The following WDR41 variants were observed in gnomAD, a reference collection of about 807,000 sequenced individuals.
The protein encoded by WDR41 is WD repeat-containing protein 41.
WDR41 carries 63 observed loss-of-function variants against 69.3 expected under a neutral mutation model. That is an observed-to-expected ratio of 0.91 (90% CI 0.74 to 1.12). WDR41 has a LOEUF of 1.12. Ranked by LOEUF, WDR41 falls within the 50% of genes most tolerant of loss-of-function variation. The pLI, the probability that WDR41 is intolerant of heterozygous loss-of-function variation, is 0.00. For synonymous variants in WDR41, 185 were observed against 192.1 expected, an observed-to-expected ratio of 0.96 and a Z score of 0.31; for missense variants, 543 against 534.5, an observed-to-expected ratio of 1.02 and a Z score of -0.16.
chr5:77,503,189 G>GAA (rs1802046571), intron 1 of WDR41, among the ~76,000 whole-genome samples: 35 of 20,208 alleles, frequency 1.7e-3, no homozygotes, highest in African/African-American at 9.7e-3. Flanking sequence ...CAAATGGAAA[G>GAA]CAAAAAAAAA....
intron 1 of WDR41, among the ~76,000 whole-genome samples, chr5:77,600,526 C>T (rs762455148): frequency 3.7e-4 from 56 of 152,190 alleles, no homozygotes; most frequent in Non-Finnish European, 6.5e-4. Context: ...AGTTACATGG[C>T]TATGTACATT....
At position 77,438,326 on chromosome 5, in the gene WDR41, C is replaced by A; in HGVS notation, c.918G>T (p.Val306=). 1 of 1,614,070 alleles carries A rather than the reference C, an allele frequency of 6.2e-7. No homozygotes were observed. The highest frequency in any genetic ancestry group is 8.5e-7 in the Non-Finnish European group (1 of 1,179,932). Residue 306 remains valine (V), a synonymous_variant, in exon 10 of 13, where the codon GTG becomes GTT. Coordinates refer to ENST00000296679, the MANE Select transcript of WDR41 (RefSeq NM_018268.4). ...TCACACGCTTCATTTGAAGGCTATA[C>A]ACGTATAAACCCCTTCCAACTGCAG... ...VFAAVGRGLY[V]YSLQMKRVIA...
chr5:77,501,660 T>A (rs1802019630), intron 1 of WDR41, among the ~76,000 whole-genome samples: 1 of 152,114 alleles, frequency 6.6e-6, no homozygotes, highest in Non-Finnish European at 1.5e-5. Flanking sequence ...TGGATGCCCC[T>A]CTGGGACAAA....
intron 2 of WDR41, among the ~76,000 whole-genome samples, chr5:77,478,038 T>C (rs1161143002): frequency 6.6e-6 from 1 of 152,110 alleles, no homozygotes; most frequent in African/African-American, 2.4e-5. Flanking sequence ...CAGAGAATAT[T>C]ACAGACACCT....
intron 2 of WDR41, among the ~76,000 whole-genome samples, chr5:77,468,216 A>G (rs530003402): frequency 7.2e-5 from 11 of 152,250 alleles, no homozygotes; most frequent in Non-Finnish European, 1.6e-4. Flanking sequence ...ATGATAGTCC[A>G]TAAGTCACTC....
intron 1 of WDR41, among the ~76,000 whole-genome samples, chr5:77,612,021 C>A (rs1213250686): frequency 1.3e-5 from 2 of 152,156 alleles, no homozygotes; most frequent in African/African-American, 4.8e-5. Flanking sequence ...CACCTCTATG[C>A]AAATAAACTA....
At chr5:77,603,317 A>G (rs1744358554) in intron 1 of WDR41, among the ~76,000 whole-genome samples, 1 of 152,144 alleles carries the variant, frequency 6.6e-6, no homozygotes, top group African/African-American at 2.4e-5. Flanking sequence ...CTGATGATTA[A>G]TGATGTTGAG....
intron 1 of WDR41, among the ~76,000 whole-genome samples, chr5:77,512,702 C>T (rs751947668): frequency 5.7e-5 from 8 of 140,336 alleles, no homozygotes; most frequent in East Asian, 2.1e-4. Flanking sequence ...GCTGAGATCA[C>T]GCCACTGCAC....
intron 1 of WDR41, among the ~76,000 whole-genome samples, chr5:77,532,658 A>G (rs1022268371): frequency 6.6e-6 from 1 of 152,124 alleles, no homozygotes; most frequent in African/African-American, 2.4e-5. Context: ...AGTACACAAC[A>G]TGGTTGAATC....
chr5:77,522,368 G>C (rs1203379667), intron 1 of WDR41, among the ~76,000 whole-genome samples: 2 of 152,216 alleles, frequency 1.3e-5, no homozygotes, highest in Admixed American at 1.3e-4. Context: ...GAGGCCGGGC[G>C]TGGTGGCTTA....
At chr5:77,606,123 C>T (rs1744413871) in intron 1 of WDR41, among the ~76,000 whole-genome samples, 1 of 152,178 alleles carries the variant, frequency 6.6e-6, no homozygotes, top group Non-Finnish European at 1.5e-5. Flanking sequence ...CTCTTTACAA[C>T]TACCCTTTTT....
chr5:77,600,674 G>A (rs914956385), intron 1 of WDR41, among the ~76,000 whole-genome samples: 1 of 152,096 alleles, frequency 6.6e-6, no homozygotes, highest in Admixed American at 6.5e-5. Flanking sequence ...GAGGTCAGGA[G>A]TTCAAGACCA....
intron 6 of WDR41, chr5:77,451,557 AT>A: frequency 1.8e-6 from 1 of 556,796 alleles, no homozygotes; most frequent in Non-Finnish European, 3.2e-6. Flanking sequence ...GACATTATTG[AT>A]TTATTAAGAG....
chr5:77,592,768 G>A, intron 1 of WDR41, among the ~76,000 whole-genome samples: 1 of 152,158 alleles, frequency 6.6e-6, no homozygotes, highest in Non-Finnish European at 1.5e-5. Flanking sequence ...AGAAAAAACA[G>A]AGAAGCTCAC....
At chr5:77,515,526 C>G (rs58486390) in intron 1 of WDR41, among the ~76,000 whole-genome samples, 4,845 of 152,048 alleles carry the variant, frequency 0.032, 200 homozygotes, top group South Asian at 0.19. Context: ...TCTAAAATAA[C>G]AATAAAAAGA....
In WDR41 at chr5:77,440,877, T is replaced by C. The variant is rs374661278; in HGVS notation, c.818A>G (p.Gln273Arg). 1 of 1,614,204 alleles carries C rather than the reference T, an allele frequency of 6.2e-7. No individual in the cohort carries two copies. The highest frequency in any genetic ancestry group is 8.5e-7 in the Non-Finnish European group (1 of 1,180,038). ...TGATTTTTGACAGAGTTTTATTTCT[T>C]GTTGGGTGTCCAGTTGTGGAGATGG... ...WDPSPQLDTQ[Q>R]EIKLCQKSND... Residue 273 changes from glutamine (Q) to arginine (R), a missense_variant, in exon 9 of 13, where the codon CAA becomes CGA. Transcript: ENST00000296679.
chr5:77,503,804 A>G (rs1425856486), intron 1 of WDR41, among the ~76,000 whole-genome samples: 1 of 152,242 alleles, frequency 6.6e-6, no homozygotes, highest in Non-Finnish European at 1.5e-5. Flanking sequence ...TGAAGGCAGA[A>G]ATAAAGATTT....
At chr5:77,544,897 C>A (rs1013412104) in intron 1 of WDR41, among the ~76,000 whole-genome samples, 14 of 152,052 alleles carry the variant, frequency 9.2e-5, no homozygotes, top group Non-Finnish European at 1.8e-4. Flanking sequence ...GGAACTTTCT[C>A]CAGGATACAC....
At chr5:77,459,038 A>G (rs747826957) in intron 5 of WDR41, 24 bp downstream of exon 5, 7 of 1,517,614 alleles carry the variant, frequency 4.6e-6, no homozygotes, top group Non-Finnish European at 5.4e-6. Flanking sequence ...TGTCATAAAA[A>G]CTCATATTTA....
Sources: allele counts gnomAD v4.1 joint callset (sites outside exome capture counted in the v4.1 genomes callset), GRCh38; gene constraint gnomAD v4.1.1; transcripts MANE v1.5; gene names NCBI Gene and HGNC (gene_info 2026-07-23, HGNC 2026-07-21).